Variants in IFRD1 observed in about 807,000 individuals in gnomAD.
The protein encoded by IFRD1 is interferon related developmental regulator 1, also known as interferon-related developmental regulator 1.
A neutral mutation model predicts 52.9 loss-of-function variants in IFRD1; 35 were observed. The observed-to-expected ratio is 0.66, with a 90% CI of 0.51 to 0.88. The LOEUF (loss-of-function observed/expected upper bound fraction) is 0.88, where lower values mean the gene tolerates loss of function less well. Ranked by LOEUF, IFRD1 falls within the 40% of genes least tolerant of loss-of-function variation. IFRD1 has a pLI of 0.00. For synonymous variants in IFRD1, 184 were observed against 188.4 expected (o/e 0.98, Z 0.19); for missense variants, 517 against 550.8 (o/e 0.94, Z 0.61).
chr7:112,445,581 A>G (rs1795009863), upstream of IFRD1, among the ~76,000 whole-genome samples: 1 of 152,206 alleles, frequency 6.6e-6, no homozygotes. Flanking sequence ...CCTTTTCCCC[A>G]CATTAGTTCC....
intron 1 of IFRD1, among the ~76,000 whole-genome samples, chr7:112,424,349 G>T (rs1347156838): frequency 6.6e-6 from 1 of 152,116 alleles, no homozygotes; most frequent in Non-Finnish European, 1.5e-5. Flanking sequence ...AGTCAGCACA[G>T]GGTCAGCTTG....
chr7:112,424,626 G>A (rs1288371930), intron 1 of IFRD1, among the ~76,000 whole-genome samples: 1 of 151,860 alleles, frequency 6.6e-6, no homozygotes, highest in Non-Finnish European at 1.5e-5. Context: ...TGTTGGCCAG[G>A]CTGGTCTCGA....
In IFRD1 at chr7:112,475,578, T is replaced by C. The variant is rs539078978; in HGVS notation, c.*59T>C. 92 of 1,029,708 alleles carry C rather than the reference T, an allele frequency of 8.9e-5. 1 individual carries two copies. In the East Asian group the frequency reaches 2.3e-3, roughly 26 times the overall value. 63.8% of individuals were successfully genotyped at this position (1,029,708 alleles called of 1,614,324 possible). On this transcript the variant is annotated 3_prime_UTR_variant, in exon 12 of 12. Coordinates refer to ENST00000403825, the MANE Select transcript of IFRD1 (RefSeq NM_001550.4). Reference sequence around the variant, plus strand: ...TATTTTTTTTTCTATTTCAATGTATTTAAACTCTAGACACAGTTTTTATCC... The same window carrying C: ...TATTTTTTTTTCTATTTCAATGTATCTAAACTCTAGACACAGTTTTTATCC...
At position 112,450,618 on chromosome 7, in the gene IFRD1, G is replaced by A; in HGVS notation, c.-71G>A. 1.6e-6 allele frequency: 2 copies of A among 1,220,944 alleles called. No homozygotes were observed. The highest frequency in any genetic ancestry group is 2.3e-5 in the East Asian group (1 of 42,704). The allele number at this position is 1,220,944 out of a possible 1,614,324, so 75.6% of individuals were successfully genotyped here. ...TCAGCCGCCCGCCGCACAGACGCAC[G>A]AGTAAAAAGTGCAGCTCCATCGGCT... On this transcript the variant is annotated 5_prime_UTR_variant, in exon 1 of 12. Coordinates refer to ENST00000403825, the MANE Select transcript of IFRD1 (RefSeq NM_001550.4).
intron 1 of IFRD1, among the ~76,000 whole-genome samples, chr7:112,425,988 T>C (rs1429386074): frequency 2.0e-5 from 3 of 152,212 alleles, no homozygotes; most frequent in Non-Finnish European, 4.4e-5. Flanking sequence ...CTTTCTCATT[T>C]TGTAGAAACA....
chr7:112,458,388 C>T (rs116101074), intron 4 of IFRD1: 2,643 of 154,644 alleles, frequency 0.017, 78 homozygotes, highest in African/African-American at 0.06. Context: ...TTTTTAATCC[C>T]GTATTTATTT....
At chr7:112,475,051 C>T (rs186364468) in intron 11 of IFRD1, among the ~76,000 whole-genome samples, 2,512 of 152,086 alleles carry the variant, frequency 0.017, 69 homozygotes, top group African/African-American at 0.058. Flanking sequence ...CTCTGCCTCT[C>T]GGGTTCAAAC....
chr7:112,475,252 A>T (rs1305848526), intron 11 of IFRD1, among the ~76,000 whole-genome samples, 178 bp from the exon 12 acceptor site: 1 of 152,052 alleles, frequency 6.6e-6, no homozygotes, highest in African/African-American at 2.4e-5. Flanking sequence ...GCCACCTTGC[A>T]TGGCCCCTGT....
upstream of IFRD1, among the ~76,000 whole-genome samples, chr7:112,448,632 T>C (rs1299318525): frequency 6.6e-6 from 1 of 152,254 alleles, no homozygotes; most frequent in Non-Finnish European, 1.5e-5. Context: ...TGCAGTTTAC[T>C]GGCTGCTTCA....
chr7:112,425,492 C>T (rs77903606), intron 1 of IFRD1, among the ~76,000 whole-genome samples: 3,870 of 152,232 alleles, frequency 0.025, 151 homozygotes, highest in African/African-American at 0.087. Flanking sequence ...CTTGGACATC[C>T]AATTCTAGGT....
At chr7:112,462,759 T>C (rs577365200) in intron 8 of IFRD1, among the ~76,000 whole-genome samples, 2 of 152,306 alleles carry the variant, frequency 1.3e-5, no homozygotes, top group Admixed American at 1.3e-4. Flanking sequence ...GAATAAAATA[T>C]TAAGTCAGCA....
At chr7:112,462,964 C>T (rs533360632) in intron 8 of IFRD1, among the ~76,000 whole-genome samples, 2 of 152,244 alleles carry the variant, frequency 1.3e-5, no homozygotes, top group South Asian at 4.1e-4. Context: ...TTGCTTTGTA[C>T]CTGTTTTTGG....
Position 112,461,910 on chromosome 7 carries a change from C to T in IFRD1, c.612C>T (p.Asp204=), listed in dbSNP as rs763667449. ...TTTGCTGTTTTATTGCCACAGATGA[C>T]ATTACTGTAAGTAAAAAACCTTTGA... The part of the protein sequence containing the change: ...FGVCCFIATD[D]ITELYSTLEC... The change falls in exon 6 of 12, where the codon GAC becomes GAT. Residue 204 remains aspartate, a synonymous_variant. Transcript: ENST00000403825. 2 of 1,608,212 alleles carry T rather than the reference C, an allele frequency of 1.2e-6. No homozygotes were observed. The highest frequency in any genetic ancestry group is 1.7e-6 in the Non-Finnish European group (2 of 1,175,280).
intron 1 of IFRD1, among the ~76,000 whole-genome samples, chr7:112,451,493 T>C (rs974130231): frequency 2.6e-5 from 4 of 152,200 alleles, no homozygotes; most frequent in Admixed American, 6.5e-5. Context: ...TTCTCCTTTG[T>C]GCTGCATTCT....
At chr7:112,458,769 A>G (rs770470402) in intron 4 of IFRD1, 92 bp from the exon 5 acceptor site, 140 of 1,200,542 alleles carry the variant, frequency 1.2e-4, no homozygotes, top group Middle Eastern at 1.9e-4. Flanking sequence ...GGTAAATGCT[A>G]TTTTGTCATT....
In IFRD1 at chr7:112,461,876, G is replaced by A; in HGVS notation, c.578G>A (p.Cys193Tyr). ...SMQARQTCAT[C>Y]FGVCCFIATD... The stretch of plus-strand genomic sequence containing the variant: ...TATTTTTTTTTTTAGTGTGCAACTT[G>A]CTTTGGTGTTTGCTGTTTTATTGCC... Residue 193 changes from cysteine to tyrosine, a missense_variant, in exon 6 of 12, where the codon TGC becomes TAC. Cys to Tyr is a radical substitution (Grantham distance 194). Transcript: ENST00000403825. 1.3e-6 allele frequency: 2 copies of A among 1,587,536 alleles called. No individual in the cohort carries two copies. Among genetic ancestry groups the A allele is most frequent in the South Asian group, 1.1e-5 (1 of 90,338 alleles).
Position 112,450,740 on chromosome 7 carries a change from G to T in IFRD1, c.52G>T (p.Gly18Cys), listed in dbSNP as rs767342314. Residue 18 changes from glycine (G) to cysteine (C), a missense_variant, in exon 1 of 12, where the codon GGC becomes TGC. By Grantham distance (159) the Gly-to-Cys change is radical (BLOSUM62 -3). Transcript: ENST00000403825. ...NTPHRGSSAG[G>C]GGSGAAAATA... ...TCCCCACCGCGGTAGCAGTGCTGGC[G>T]GCGGCGGGTCAGGAGCAGCCGCAGC... is the stretch of plus-strand genomic sequence containing the variant. 99 of 1,612,424 alleles carry T rather than the reference G, an allele frequency of 6.1e-5. No homozygotes were observed. The Middle Eastern group carries it at 1.5e-3, about 24-fold the overall frequency.
chr7:112,450,413 T>A (rs534009497), upstream of IFRD1: 92 of 494,448 alleles, frequency 1.9e-4, no homozygotes, highest in Admixed American at 7.0e-4. Flanking sequence ...CAGAGTGACG[T>A]CAGGTGGCGG....
chr7:112,471,927 T>C lies in IFRD1; in HGVS notation c.1042-292T>C, dbSNP rs192672962. On this transcript the variant is annotated intron_variant, in intron 9 of 11. Coordinates refer to ENST00000403825, the MANE Select transcript of IFRD1 (RefSeq NM_001550.4). ...GGCCATTAAAAACACCTGACTTTTTTTAAGTTTGTTGAGAGCTGTTGAAAT... is the reference window on the plus strand; with the variant it reads ...GGCCATTAAAAACACCTGACTTTTTCTAAGTTTGTTGAGAGCTGTTGAAAT... Among the ~76,000 whole-genome samples the C allele has an allele frequency of 1.6e-3, 246 of 152,294 alleles. 2 individuals carry two copies. The highest frequency in any genetic ancestry group is 2.0e-3 in the Non-Finnish European group (136 of 68,032).
Sources: allele counts gnomAD v4.1 joint callset (sites outside exome capture counted in the v4.1 genomes callset), GRCh38; gene constraint gnomAD v4.1.1; transcripts MANE v1.5; gene names NCBI Gene and HGNC (gene_info 2026-07-23, HGNC 2026-07-21).